PPARGC1A: variants seen among roughly 807,000 people sequenced by gnomAD.
PPARGC1A encodes the protein peroxisome proliferator-activated receptor gamma coactivator 1-alpha.
In PPARGC1A, 25 loss-of-function variants were observed where a neutral mutation model predicts 88.7. That is an observed-to-expected ratio of 0.28 (90% CI 0.21 to 0.39). PPARGC1A has a LOEUF of 0.39. PPARGC1A is among the 10% of genes least tolerant of loss of function. The pLI is 1.00. For synonymous variants in PPARGC1A, 363 were observed against 355.6 expected (o/e 1.02, Z -0.24); for missense variants, 880 against 968.7 (o/e 0.91, Z 1.22).
the PPARGC1A span, among the ~76,000 whole-genome samples, chr4:24,051,031 CA>C: frequency 1.3e-5 from 2 of 150,918 alleles, no homozygotes; most frequent in Admixed American, 6.6e-5. Context: ...ACTAAAAGTA[CA>C]AAAAAAATAG....
At chr4:24,203,287 C>T in the PPARGC1A span, among the ~76,000 whole-genome samples, 1 of 152,150 alleles carries the variant, frequency 6.6e-6, no homozygotes, top group Admixed American at 6.5e-5. Context: ...ACCTGTAATC[C>T]CAGCACTTTG....
chr4:23,802,939 TAGAAA>T (rs1385809573), intron 10 of PPARGC1A, among the ~76,000 whole-genome samples: 7 of 152,170 alleles, frequency 4.6e-5, no homozygotes, highest in Admixed American at 1.3e-4. Flanking sequence ...CTTGATGTGT[TAGAAA>T]AGAAATCTGT....
At chr4:23,805,981 G>A (rs756479893) in intron 10 of PPARGC1A, among the ~76,000 whole-genome samples, 4 of 152,106 alleles carry the variant, frequency 2.6e-5, no homozygotes, top group Non-Finnish European at 5.9e-5. Context: ...ATGCAACAAC[G>A]ATCCCATACA....
At chr4:24,248,055 C>T in the PPARGC1A span, among the ~76,000 whole-genome samples, 23 of 152,222 alleles carry the variant, frequency 1.5e-4, no homozygotes, top group South Asian at 3.9e-3. Context: ...CCTTGGTCTG[C>T]GGCTGCAAAG....
the PPARGC1A span, among the ~76,000 whole-genome samples, chr4:24,010,938 G>A: frequency 6.6e-6 from 1 of 152,044 alleles, no homozygotes; most frequent in Non-Finnish European, 1.5e-5. Flanking sequence ...ATTTTCACTT[G>A]GCATCATACA....
intron 2 of PPARGC1A, among the ~76,000 whole-genome samples, chr4:23,847,477 C>T (rs1728521200): frequency 6.6e-6 from 1 of 151,744 alleles, no homozygotes; most frequent in South Asian, 2.1e-4. Flanking sequence ...ATGATGGCAA[C>T]ACCCGCCAGC....
At chr4:23,811,505 A>G (rs1476025806) in intron 10 of PPARGC1A, among the ~76,000 whole-genome samples, 2 of 152,206 alleles carry the variant, frequency 1.3e-5, no homozygotes, top group African/African-American at 4.8e-5. Context: ...AAAAGACCGT[A>G]AGGCTCTGAG....
At chr4:23,872,394 A>T (rs1713580641) in intron 2 of PPARGC1A, among the ~76,000 whole-genome samples, 1 of 152,080 alleles carries the variant, frequency 6.6e-6, no homozygotes, top group South Asian at 2.1e-4. Context: ...GGACATCATA[A>T]ATTTCAGGTC....
the PPARGC1A span, among the ~76,000 whole-genome samples, chr4:24,104,538 C>T: frequency 1.3e-5 from 2 of 152,140 alleles, no homozygotes; most frequent in Admixed American, 1.3e-4. Context: ...AAAGGATGGA[C>T]CGTCCTTGTT....
the PPARGC1A span, among the ~76,000 whole-genome samples, chr4:24,027,825 G>T: frequency 9.9e-5 from 15 of 152,106 alleles, no homozygotes; most frequent in Non-Finnish European, 1.0e-4. Context: ...CTCCTACAGG[G>T]AGTAGACGAT....
chr4:24,077,910 C>A, the PPARGC1A span, among the ~76,000 whole-genome samples: 1 of 151,464 alleles, frequency 6.6e-6, no homozygotes, highest in African/African-American at 2.4e-5. Context: ...GTTTTTTTCT[C>A]TGTTTTCTAG....
chr4:24,244,063 C>T, the PPARGC1A span, among the ~76,000 whole-genome samples: 1 of 152,170 alleles, frequency 6.6e-6, no homozygotes, highest in African/African-American at 2.4e-5. Context: ...TTGTCCACAC[C>T]TCCCTTGGGG....
At chr4:23,866,678 A>G (rs1280181851) in intron 2 of PPARGC1A, among the ~76,000 whole-genome samples, 1 of 152,226 alleles carries the variant, frequency 6.6e-6, no homozygotes, top group Non-Finnish European at 1.5e-5. Context: ...AATAGCAGGC[A>G]CTAGAGAATT....
rs541724886 is a variant in PPARGC1A, at chr4:23,824,514, GAA to G, written c.758-8_758-7del. 2.1e-6 allele frequency: 3 copies of G among 1,430,680 alleles called. No individual in the cohort carries two copies. Among genetic ancestry groups the G allele is most frequent in the Admixed American group, 2.1e-5 (1 of 48,532 alleles). 88.6% of individuals were successfully genotyped at this position (1,430,680 alleles called of 1,614,324 possible). ...AGATAAAGTTGTTGGTTTGGCTAAAGAAAAAAAAAAGAAACTAATTATGTAAT... is the reference window on the plus strand; with the variant it reads ...AGATAAAGTTGTTGGTTTGGCTAAAGAAAAAAAAGAAACTAATTATGTAAT... On this transcript the variant is annotated splice_polypyrimidine_tract_variant and splice_region_variant and intron_variant, in intron 5 of 12. Transcript: ENST00000264867.
At chr4:24,240,609 C>T in the PPARGC1A span, among the ~76,000 whole-genome samples, 1 of 152,152 alleles carries the variant, frequency 6.6e-6, no homozygotes, top group Non-Finnish European at 1.5e-5. Flanking sequence ...CTGAGGTAAA[C>T]AGGAGGCAAT....
At chr4:23,908,202 C>T (rs1024154180), upstream of PPARGC1A, among the ~76,000 whole-genome samples, 1 of 152,094 alleles carries the variant, frequency 6.6e-6, no homozygotes, top group Admixed American at 6.5e-5. Context: ...TTTCAAGTGC[C>T]TCTTTAGGTA....
chr4:24,351,548 C>G, the PPARGC1A span, among the ~76,000 whole-genome samples: 3 of 151,916 alleles, frequency 2.0e-5, no homozygotes, highest in South Asian at 6.2e-4. Flanking sequence ...CTGCTTAAAG[C>G]AGGGTGCTTA....
chr4:24,287,747 C>T, the PPARGC1A span, among the ~76,000 whole-genome samples: 2 of 151,788 alleles, frequency 1.3e-5, no homozygotes, highest in Non-Finnish European at 2.9e-5. Context: ...GTAAAAAATG[C>T]TACCACTTCC....
chr4:24,424,258 C>CTTTTTTTTTTTTTTTTTTTTT, the PPARGC1A span, among the ~76,000 whole-genome samples: 4 of 44,316 alleles, frequency 9.0e-5, 1 homozygote, highest in African/African-American at 4.0e-4. Flanking sequence ...TATACACACA[C>CTTTTTTTTTTTTTTTTTTTTT]TTTTTTTTTT....
Sources: allele counts gnomAD v4.1 joint callset (sites outside exome capture counted in the v4.1 genomes callset), GRCh38; gene constraint gnomAD v4.1.1; transcripts MANE v1.5; gene names NCBI Gene and HGNC (gene_info 2026-07-23, HGNC 2026-07-21).